Variants in CACNA2D3 observed in about 807,000 individuals in gnomAD.
The protein encoded by CACNA2D3 is voltage-dependent calcium channel subunit alpha-2/delta-3.
CACNA2D3 carries 60 observed loss-of-function variants against 160.6 expected under a neutral mutation model. The observed-to-expected ratio is 0.37, with a 90% CI of 0.30 to 0.46. The LOEUF (loss-of-function observed/expected upper bound fraction) is 0.46, where lower values mean the gene tolerates loss of function less well. Among genes scored for constraint, CACNA2D3 ranks in the 20% least tolerant of loss-of-function variants. The probability of loss-of-function intolerance (pLI) is 1.00; values close to 1 mark genes in which losing one functional copy is unlikely to be tolerated. For missense variants in CACNA2D3, 1,205 were observed against 1,365.0 expected (o/e 0.88, Z 1.85); for synonymous variants, 558 against 492.9 (o/e 1.13, Z -1.75).
At chr3:54,668,780 G>C (rs1463728686) in intron 11 of CACNA2D3, among the ~76,000 whole-genome samples, 1 of 152,234 alleles carries the variant, frequency 6.6e-6, no homozygotes, top group Non-Finnish European at 1.5e-5. Context: ...CAAGATGGCA[G>C]TGGTCATGCA....
intron 2 of CACNA2D3, among the ~76,000 whole-genome samples, chr3:54,163,534 C>T (rs1460250583): frequency 6.6e-6 from 1 of 152,164 alleles, no homozygotes; most frequent in Non-Finnish European, 1.5e-5. Flanking sequence ...TTCCTGCTCG[C>T]GTTTCATTAG....
intron 11 of CACNA2D3, among the ~76,000 whole-genome samples, chr3:54,648,181 A>G (rs1399121612): frequency 1.7e-4 from 26 of 152,242 alleles, no homozygotes; most frequent in Non-Finnish European, 2.9e-5. Flanking sequence ...CCATGTGCCA[A>G]ATCTGGCCCA....
chr3:54,555,373 C>T (rs1702227607), intron 5 of CACNA2D3, among the ~76,000 whole-genome samples: 1 of 151,978 alleles, frequency 6.6e-6, no homozygotes, highest in Admixed American at 6.6e-5. Flanking sequence ...GTACCTTATT[C>T]AAAGATGCAA....
chr3:54,679,422 T>A (rs987068542), intron 11 of CACNA2D3, among the ~76,000 whole-genome samples: 3 of 152,236 alleles, frequency 2.0e-5, no homozygotes, highest in Non-Finnish European at 4.4e-5. Context: ...CAGGGCCTAC[T>A]GAGGCAGCGA....
At chr3:54,640,662 G>A (rs1699498347) in intron 10 of CACNA2D3, among the ~76,000 whole-genome samples, 1 of 152,204 alleles carries the variant, frequency 6.6e-6, no homozygotes, top group African/African-American at 2.4e-5. Context: ...AAACTAATAT[G>A]TAAGTTTACA....
chr3:54,348,811 C>G (rs1411530819), intron 3 of CACNA2D3, among the ~76,000 whole-genome samples: 1 of 152,198 alleles, frequency 6.6e-6, no homozygotes, highest in Non-Finnish European at 1.5e-5. Context: ...TCACTGCAAC[C>G]TCCACCTCCC....
At chr3:54,875,451 C>T (rs1020810393) in intron 18 of CACNA2D3, 1 of 152,234 alleles carries the variant, frequency 6.6e-6, no homozygotes, top group African/African-American at 2.4e-5. Context: ...TGCAGGCTGC[C>T]TGTGCACCAG....
intron 11 of CACNA2D3, among the ~76,000 whole-genome samples, chr3:54,659,909 A>G (rs762171145): frequency 1.2e-4 from 19 of 152,154 alleles, no homozygotes; most frequent in Non-Finnish European, 2.8e-4. Context: ...AGAAGATCAG[A>G]ACAAGCAGAT....
At chr3:54,900,301 CT>C (rs963024650) in intron 27 of CACNA2D3, among the ~76,000 whole-genome samples, 8 of 152,202 alleles carry the variant, frequency 5.3e-5, no homozygotes, top group African/African-American at 1.4e-4. Flanking sequence ...TTTCATCCCC[CT>C]AATCCCCCTG....
chr3:54,397,724 G>C (rs1263691590), intron 4 of CACNA2D3, among the ~76,000 whole-genome samples: 3 of 28,142 alleles, frequency 1.1e-4, no homozygotes, highest in African/African-American at 4.7e-4. Context: ...GCTGAGGAGA[G>C]CTTTACTTCC....
chr3:54,835,312 T>C lies in CACNA2D3; in HGVS notation c.1399-1847T>C, dbSNP rs972664982. Among the ~76,000 whole-genome samples the C allele has an allele frequency of 2.0e-5, 3 of 152,204 alleles. No individual in the cohort carries two copies. In the South Asian group the frequency reaches 6.2e-4, roughly 31 times the overall value. ...GGAAATGAAATGGAAAGGATTGCCC[T>C]ATACGAATGCTTCTTGCATTTTAAT... On this transcript the variant is annotated intron_variant, in intron 14 of 37. Transcript: ENST00000474759.
Position 54,569,835 on chromosome 3 carries a change from C to G in CACNA2D3, c.717C>G (p.Phe239Leu). The G allele has an allele frequency of 1.2e-6, 2 of 1,607,286 alleles. No homozygotes were observed. Among genetic ancestry groups the G allele is most frequent in the Non-Finnish European group, 1.7e-6 (2 of 1,176,546 alleles). The change falls in exon 7 of 38, where the codon TTC becomes TTG. Residue 239 changes from phenylalanine to leucine, a missense_variant. Coordinates refer to ENST00000474759, the MANE Select transcript of CACNA2D3 (RefSeq NM_018398.3). ...CAGATGAGAATGGAGTCATTGCCTT[C>G]GACTGCAGGAACCGAAAATGGTAGG... ...WEPDENGVIA[F>L]DCRNRKWYIQ...
intron 3 of CACNA2D3, among the ~76,000 whole-genome samples, chr3:54,345,668 G>T (rs1398716984): frequency 6.6e-6 from 1 of 152,078 alleles, no homozygotes; most frequent in Non-Finnish European, 1.5e-5. Flanking sequence ...TTCTCTGTGA[G>T]GCTCAGTGTC....
intron 3 of CACNA2D3, among the ~76,000 whole-genome samples, chr3:54,334,254 T>G (rs1475117522): frequency 6.6e-6 from 1 of 152,078 alleles, no homozygotes; most frequent in African/African-American, 2.4e-5. Context: ...GCTCAGCTAA[T>G]TTTTGTATTT....
At chr3:54,378,671 T>A (rs745488003) in intron 3 of CACNA2D3, among the ~76,000 whole-genome samples, 22 of 152,284 alleles carry the variant, frequency 1.4e-4, no homozygotes, top group Non-Finnish European at 2.9e-4. Context: ...TCTAAAACAT[T>A]CCCAGGAGAG....
chr3:54,267,865 A>G (rs111864688), intron 2 of CACNA2D3, among the ~76,000 whole-genome samples: 5,380 of 152,216 alleles, frequency 0.035, 278 homozygotes, highest in African/African-American at 0.11. Flanking sequence ...GGGATTTGCA[A>G]TTCATCCATA....
At chr3:54,615,595 A>G (rs2106795100) in intron 9 of CACNA2D3, among the ~76,000 whole-genome samples, 1 of 152,360 alleles carries the variant, frequency 6.6e-6, no homozygotes, top group East Asian at 1.9e-4. Flanking sequence ...CAAACTGTGT[A>G]ACTGTGACAA....
chr3:55,032,969 G>A (rs1047592010), intron 35 of CACNA2D3, among the ~76,000 whole-genome samples: 6 of 151,960 alleles, frequency 3.9e-5, no homozygotes, highest in African/African-American at 9.7e-5. Context: ...GGCGGGGGTT[G>A]TGTGTAATTC....
intron 11 of CACNA2D3, among the ~76,000 whole-genome samples, chr3:54,666,834 G>A (rs908300567): frequency 2.6e-5 from 4 of 152,208 alleles, no homozygotes; most frequent in African/African-American, 9.6e-5. Context: ...GACCTGTATT[G>A]TCAACCTCGC....
Sources: allele counts gnomAD v4.1 joint callset (sites outside exome capture counted in the v4.1 genomes callset), GRCh38; gene constraint gnomAD v4.1.1; transcripts MANE v1.5; gene names NCBI Gene and HGNC (gene_info 2026-07-23, HGNC 2026-07-21).